The following EFNA5 variants were observed in gnomAD, a reference collection of about 807,000 sequenced individuals.
EFNA5 encodes ephrin A5.
A neutral mutation model predicts 22.9 loss-of-function variants in EFNA5; 5 were observed. The observed-to-expected ratio is 0.22, with a 90% CI of 0.11 to 0.46. The LOEUF is 0.46. EFNA5 is among the 20% of genes least tolerant of loss of function. The pLI is 0.99. For missense variants in EFNA5, 237 were observed against 293.3 expected, an observed-to-expected ratio of 0.81 and a Z score of 1.40; for synonymous variants, 113 against 112.2, an observed-to-expected ratio of 1.01 and a Z score of -0.04.
chr5:107,391,171 T>A (rs563480790), intron 2 of EFNA5, among the ~76,000 whole-genome samples: 29 of 152,150 alleles, frequency 1.9e-4, no homozygotes, highest in African/African-American at 6.5e-4. Flanking sequence ...AATAAATAAA[T>A]AAAATAAAAT....
At chr5:107,527,094 C>T (rs2112448440) in intron 1 of EFNA5, among the ~76,000 whole-genome samples, 1 of 151,916 alleles carries the variant, frequency 6.6e-6, no homozygotes, top group East Asian at 1.9e-4. Flanking sequence ...GCTTTTATTC[C>T]CCCTAAGTTT....
intron 1 of EFNA5, among the ~76,000 whole-genome samples, chr5:107,630,853 T>C (rs1190330184): frequency 6.6e-6 from 1 of 152,124 alleles, no homozygotes; most frequent in Non-Finnish European, 1.5e-5. Flanking sequence ...TCATGAAAAT[T>C]TATTTTTTTA....
At chr5:107,592,020 A>AAT (rs1321931450) in intron 1 of EFNA5, among the ~76,000 whole-genome samples, 3 of 57,132 alleles carry the variant, frequency 5.3e-5, no homozygotes, top group Non-Finnish European at 9.3e-5. Context: ...TATATAATAT[A>AAT]ATATATATTA....
intron 1 of EFNA5, among the ~76,000 whole-genome samples, chr5:107,579,163 C>T (rs10041929): frequency 0.023 from 3,444 of 152,126 alleles, 148 homozygotes; most frequent in African/African-American, 0.079. Flanking sequence ...TTATTTTATA[C>T]AGAAGGACAT....
intron 2 of EFNA5, among the ~76,000 whole-genome samples, chr5:107,405,674 C>T (rs549668337): frequency 6.6e-6 from 1 of 151,970 alleles, no homozygotes; most frequent in African/African-American, 2.4e-5. Flanking sequence ...GGGCAACAGT[C>T]CAGAGTGATC....
At chr5:107,638,628 G>T (rs943482502) in intron 1 of EFNA5, among the ~76,000 whole-genome samples, 1 of 152,178 alleles carries the variant, frequency 6.6e-6, no homozygotes. Flanking sequence ...ACCTGGGGAT[G>T]ATCTAGATTA....
At chr5:107,402,686 A>G (rs1022352899) in intron 2 of EFNA5, among the ~76,000 whole-genome samples, 9 of 152,174 alleles carry the variant, frequency 5.9e-5, no homozygotes, top group Non-Finnish European at 1.2e-4. Context: ...GGGGGAAAGG[A>G]GTGTCTGCCT....
intron 1 of EFNA5, among the ~76,000 whole-genome samples, chr5:107,521,081 G>A: frequency 6.6e-6 from 1 of 151,982 alleles, no homozygotes; most frequent in Non-Finnish European, 1.5e-5. Flanking sequence ...ACTTATGATT[G>A]GCTTATTTCC....
intron 1 of EFNA5, among the ~76,000 whole-genome samples, chr5:107,555,215 T>A (rs1281050419): frequency 1.3e-5 from 2 of 152,174 alleles, no homozygotes; most frequent in Admixed American, 6.5e-5. Flanking sequence ...AATCCTCAAA[T>A]CAGATTACCT....
chr5:107,477,814 A>C (rs1750352805), intron 1 of EFNA5, among the ~76,000 whole-genome samples: 1 of 152,232 alleles, frequency 6.6e-6, no homozygotes, highest in Admixed American at 6.5e-5. Flanking sequence ...CTTTAACTAT[A>C]TAGTACTTTA....
At chr5:107,402,998 T>C (rs934432229) in intron 2 of EFNA5, among the ~76,000 whole-genome samples, 1 of 152,126 alleles carries the variant, frequency 6.6e-6, no homozygotes, top group Non-Finnish European at 1.5e-5. Context: ...TTCCCTGCAG[T>C]GTGAAATATG....
At chr5:107,572,018 A>G (rs1454365879) in intron 1 of EFNA5, among the ~76,000 whole-genome samples, 1 of 152,162 alleles carries the variant, frequency 6.6e-6, no homozygotes, top group Admixed American at 6.5e-5. Context: ...AACTGCAAAC[A>G]GCAGCGTGGA....
intron 2 of EFNA5, among the ~76,000 whole-genome samples, chr5:107,423,964 GA>G (rs1338758218): frequency 6.6e-6 from 1 of 151,960 alleles, no homozygotes; most frequent in Non-Finnish European, 1.5e-5. Context: ...AAGACATTAA[GA>G]AAAAAAGAAA....
chr5:107,492,750 G>A (rs1018921545), intron 1 of EFNA5, among the ~76,000 whole-genome samples: 1 of 152,140 alleles, frequency 6.6e-6, no homozygotes, highest in Non-Finnish European at 1.5e-5. Flanking sequence ...TGTAATCCCA[G>A]CACCTTCGGA....
At chr5:107,591,910 TAA>T (rs1234808803) in intron 1 of EFNA5, among the ~76,000 whole-genome samples, 8 of 10,722 alleles carry the variant, frequency 7.5e-4, no homozygotes, top group South Asian at 3.4e-3. Flanking sequence ...ATATATAATA[TAA>T]AAAATATATA....
intron 1 of EFNA5, among the ~76,000 whole-genome samples, chr5:107,614,646 G>A (rs1749878431): frequency 6.6e-6 from 1 of 152,204 alleles, no homozygotes; most frequent in East Asian, 1.9e-4. Context: ...ACCAATGGTT[G>A]TCTTAGCTTT....
At chr5:107,422,646 C>T (rs188345706) in intron 2 of EFNA5, among the ~76,000 whole-genome samples, 218 of 152,250 alleles carry the variant, frequency 1.4e-3, no homozygotes, top group African/African-American at 5.1e-3. Context: ...GCTGAGTAGC[C>T]AGAATCAGGC....
At chr5:107,536,578 G>C (rs1747932884) in intron 1 of EFNA5, among the ~76,000 whole-genome samples, 2 of 151,990 alleles carry the variant, frequency 1.3e-5, no homozygotes, top group Admixed American at 6.6e-5. Flanking sequence ...TCTAAAGGAT[G>C]GTCAACATAC....
chr5:107,522,784 C>A (rs1747623449), intron 1 of EFNA5, among the ~76,000 whole-genome samples: 1 of 152,140 alleles, frequency 6.6e-6, no homozygotes. Flanking sequence ...TTTCTTCCAG[C>A]CACTATGCTC....
Sources: gnomAD v4.1 joint callset for allele counts (sites outside exome capture counted in the v4.1 genomes callset) on GRCh38, gnomAD v4.1.1 for gene constraint, MANE v1.5 for transcripts, NCBI Gene and HGNC (gene_info 2026-07-23, HGNC 2026-07-21) for gene names.